RSU1: variants seen among roughly 807,000 people sequenced by gnomAD.
RSU1 encodes Ras suppressor protein 1, also known as rsu-1.
Under a neutral mutation model 31.1 loss-of-function variants are expected in RSU1, and 26 were observed. The observed-to-expected ratio is 0.84, with a 90% CI of 0.61 to 1.16. The LOEUF is 1.16. Ranked by LOEUF, RSU1 falls within the 50% of genes most tolerant of loss-of-function variation. The pLI is 0.00. For synonymous variants in RSU1, 164 were observed against 136.3 expected (o/e 1.20, Z -1.41); for missense variants, 320 against 339.1 (o/e 0.94, Z 0.44).
chr10:16,700,864 A>G (rs568833572), intron 7 of RSU1, among the ~76,000 whole-genome samples: 1 of 152,250 alleles, frequency 6.6e-6, no homozygotes, highest in Non-Finnish European at 1.5e-5. Flanking sequence ...ATTTGTATGC[A>G]CTGACCTGGA....
chr10:16,603,017 T>C (rs56036069), intron 8 of RSU1, among the ~76,000 whole-genome samples: 3,037 of 152,246 alleles, frequency 0.02, 51 homozygotes, highest in Non-Finnish European at 0.031. Flanking sequence ...CTGTGAGAAG[T>C]CTCATTAATT....
intron 8 of RSU1, among the ~76,000 whole-genome samples, chr10:16,670,669 C>T (rs10795411): frequency 0.59 from 90,323 of 152,000 alleles, 28,380 homozygotes; most frequent in African/African-American, 0.8. Context: ...AAATTTAGTG[C>T]ACATAAGACC....
At chr10:16,640,450 A>G (rs532866823) in intron 8 of RSU1, among the ~76,000 whole-genome samples, 38 of 152,282 alleles carry the variant, frequency 2.5e-4, no homozygotes, top group African/African-American at 8.4e-4. Flanking sequence ...GTCTAAAGCA[A>G]TCTTTTCAAA....
At chr10:16,729,947 T>C (rs1216728949) in intron 7 of RSU1, among the ~76,000 whole-genome samples, 1 of 152,208 alleles carries the variant, frequency 6.6e-6, no homozygotes, top group South Asian at 2.1e-4. Context: ...AATGGAATAC[T>C]TGAGGCTGGG....
intron 8 of RSU1, among the ~76,000 whole-genome samples, chr10:16,599,453 G>A (rs114869545): frequency 0.016 from 2,370 of 152,244 alleles, 75 homozygotes; most frequent in African/African-American, 0.054. Flanking sequence ...CCCTACAGGA[G>A]CCCACCACAT....
At chr10:16,807,070 G>A (rs1456223098) in intron 2 of RSU1, among the ~76,000 whole-genome samples, 1 of 152,216 alleles carries the variant, frequency 6.6e-6, no homozygotes, top group Non-Finnish European at 1.5e-5. Context: ...CAGCAGGCAT[G>A]AGCCACTGCG....
At chr10:16,621,658 C>A (rs111448382) in intron 8 of RSU1, among the ~76,000 whole-genome samples, 1,721 of 152,210 alleles carry the variant, frequency 0.011, 32 homozygotes, top group African/African-American at 0.038. Context: ...TCTTACATGG[C>A]GGCAGGCAAG....
intron 3 of RSU1, among the ~76,000 whole-genome samples, chr10:16,765,408 A>C (rs2131632368): frequency 6.6e-6 from 1 of 152,334 alleles, no homozygotes; most frequent in East Asian, 1.9e-4. Context: ...CACTGTTATT[A>C]TATAGAAATA....
At chr10:16,714,652 G>A (rs1836098092) in intron 7 of RSU1, among the ~76,000 whole-genome samples, 1 of 152,130 alleles carries the variant, frequency 6.6e-6, no homozygotes, top group Non-Finnish European at 1.5e-5. Context: ...TGGGGTCTCA[G>A]TCATTCCATG....
chr10:16,785,811 T>G (rs532041945), intron 2 of RSU1, among the ~76,000 whole-genome samples: 2 of 152,144 alleles, frequency 1.3e-5, no homozygotes, highest in African/African-American at 4.8e-5. Context: ...CGCGTAAGTC[T>G]GCCTGGCCTC....
At position 16,763,306 on chromosome 10, in the gene RSU1, G is replaced by A. The variant is rs139499785; in HGVS notation, c.281+1084C>T. On this transcript the variant is annotated intron_variant, in intron 4 of 8. Coordinates refer to ENST00000345264, the MANE Select transcript of RSU1 (RefSeq NM_012425.4). ...GGTTTAACCGACTCGTGGTTCTACC[G>A]GCTGTATAGGAAGCGTGGCAGCAGC... 3.0e-3 allele frequency among the ~76,000 whole-genome samples: 464 copies of A among 152,264 alleles called. 5 individuals are homozygous for A. The highest frequency in any genetic ancestry group is 0.011 in the African/African-American group (450 of 41,534).
Position 16,817,033 on chromosome 10 carries a change from G to T in RSU1, c.49C>A (p.Gln17Lys). 6.2e-7 allele frequency: 1 copy of T among 1,614,238 alleles called. No homozygotes were observed. The highest frequency in any genetic ancestry group is 8.5e-7 in the Non-Finnish European group (1 of 1,180,030). ...KLVEESREKNQPEVDMSDRGI... is the reference protein window; with the variant it reads ...KLVEESREKNKPEVDMSDRGI... ...CGGTCACTCATGTCCACCTCGGGCT[G>T]GTTCTTCTCCCGGCTCTCCTCCACC... The change falls in exon 2 of 9, where the codon CAG becomes AAG. Residue 17 changes from glutamine to lysine, a missense_variant. By Grantham distance (53) the Gln-to-Lys change is moderately conservative (BLOSUM62 1). Coordinates refer to ENST00000345264, the MANE Select transcript of RSU1 (RefSeq NM_012425.4).
intron 7 of RSU1, among the ~76,000 whole-genome samples, chr10:16,744,843 A>G (rs1014649318): frequency 1.3e-5 from 2 of 152,162 alleles, no homozygotes; most frequent in African/African-American, 2.4e-5. Context: ...AGTACTGGCC[A>G]TGCAGAATCC....
rs769119329 is a variant in RSU1, at chr10:16,817,005, C to A, written c.77G>T (p.Gly26Val). 1 of 1,613,942 alleles carries A rather than the reference C, an allele frequency of 6.2e-7. No homozygotes were observed. Among genetic ancestry groups the A allele is most frequent in the Admixed American group, 1.7e-5 (1 of 60,012 alleles). Reference sequence around the variant, plus strand: ...GTTGACATCCAGCATGTTGGAGATGCCCCGGTCACTCATGTCCACCTCGGG... The same window carrying A: ...GTTGACATCCAGCATGTTGGAGATGACCCGGTCACTCATGTCCACCTCGGG... ...NQPEVDMSDRGISNMLDVNGL... is the reference protein window; with the variant it reads ...NQPEVDMSDRVISNMLDVNGL... The change falls in exon 2 of 9, where the codon GGC becomes GTC. Residue 26 changes from glycine to valine, a missense_variant. By Grantham distance (109) the Gly-to-Val change is moderately radical. Coordinates refer to ENST00000345264, the MANE Select transcript of RSU1 (RefSeq NM_012425.4).
chr10:16,754,247 A>C (rs1290001264), intron 5 of RSU1, among the ~76,000 whole-genome samples: 1 of 152,212 alleles, frequency 6.6e-6, no homozygotes, highest in African/African-American at 2.4e-5. Flanking sequence ...CCTTGTCCAA[A>C]ATAGTGCATG....
chr10:16,714,470 G>A (rs1836091185), intron 7 of RSU1, among the ~76,000 whole-genome samples: 1 of 152,204 alleles, frequency 6.6e-6, no homozygotes, highest in South Asian at 2.1e-4. Flanking sequence ...GCTGCCACAG[G>A]ACCAACAGTT....
At chr10:16,805,281 G>C (rs1384765519) in intron 2 of RSU1, among the ~76,000 whole-genome samples, 1 of 152,182 alleles carries the variant, frequency 6.6e-6, no homozygotes, top group Non-Finnish European at 1.5e-5. Flanking sequence ...AATGCAAGAT[G>C]TTAATATGGG....
At chr10:16,602,424 G>A (rs1833728545) in intron 8 of RSU1, among the ~76,000 whole-genome samples, 1 of 152,164 alleles carries the variant, frequency 6.6e-6, no homozygotes. Flanking sequence ...AGCAGCTTGA[G>A]GCTCCGATAA....
intron 2 of RSU1, among the ~76,000 whole-genome samples, chr10:16,796,884 G>C (rs1588541866): frequency 6.6e-6 from 1 of 152,138 alleles, no homozygotes; most frequent in East Asian, 1.9e-4. Flanking sequence ...AAGTAGATGA[G>C]GACAAGCTAC....
Sources: allele counts gnomAD v4.1 joint callset (sites outside exome capture counted in the v4.1 genomes callset), GRCh38; gene constraint gnomAD v4.1.1; transcripts MANE v1.5; gene names NCBI Gene and HGNC (gene_info 2026-07-23, HGNC 2026-07-21).